Variants in SRD5A2 observed in about 807,000 individuals in gnomAD.
The protein encoded by SRD5A2 is steroid 5 alpha-reductase 2.
A neutral mutation model predicts 27.4 loss-of-function variants in SRD5A2; 30 were observed. The ratio of observed to expected loss-of-function variants is 1.10; its 90% confidence interval spans 0.82 to 1.49. The LOEUF is 1.49. Ranked by LOEUF, SRD5A2 falls within the 40% of genes most tolerant of loss-of-function variation. The pLI is 0.00. For synonymous variants in SRD5A2, 141 were observed against 133.6 expected (o/e 1.06, Z -0.38); for missense variants, 348 against 323.4 (o/e 1.08, Z -0.58).
chr2:31,641,698 G>A, the SRD5A2 span, among the ~76,000 whole-genome samples: 2 of 152,068 alleles, frequency 1.3e-5, no homozygotes, highest in Non-Finnish European at 2.9e-5. Context: ...CAGATTAAGA[G>A]AGTAAAGAGA....
intron 1 of SRD5A2, among the ~76,000 whole-genome samples, chr2:31,546,335 T>C (rs1666254924): frequency 6.6e-6 from 1 of 152,092 alleles, no homozygotes; most frequent in Non-Finnish European, 1.5e-5. Flanking sequence ...CAAAGCAATA[T>C]AGTACTGGCA....
At chr2:31,592,279 C>T in the SRD5A2 span, among the ~76,000 whole-genome samples, 1 of 152,084 alleles carries the variant, frequency 6.6e-6, no homozygotes, top group Non-Finnish European at 1.5e-5. Context: ...ACAGAACAAA[C>T]CTGATCCTAG....
chr2:31,606,372 A>T, the SRD5A2 span, among the ~76,000 whole-genome samples: 2 of 152,014 alleles, frequency 1.3e-5, no homozygotes, highest in Non-Finnish European at 2.9e-5. Flanking sequence ...ATTATTATGC[A>T]TTGCATGCCT....
In SRD5A2 at chr2:31,565,680, A is replaced by G. The variant is rs372810498; in HGVS notation, c.281+14940T>C. On this transcript the variant is annotated intron_variant, in intron 1 of 4. Coordinates refer to ENST00000622030, the MANE Select transcript of SRD5A2 (RefSeq NM_000348.4). ...GGACATACCAGTTCTGTCTCTATGCATGTAATAATAGACCTTCAAAATACA... is the reference window on the plus strand; with the variant it reads ...GGACATACCAGTTCTGTCTCTATGCGTGTAATAATAGACCTTCAAAATACA... Among the ~76,000 whole-genome samples the G allele has an allele frequency of 3.6e-4, 54 of 152,098 alleles. No homozygotes were observed. In the South Asian group the frequency reaches 8.5e-3, roughly 24 times the overall value.
chr2:31,571,574 T>C, intron 1 of SRD5A2, among the ~76,000 whole-genome samples: 1 of 151,816 alleles, frequency 6.6e-6, no homozygotes, highest in African/African-American at 2.4e-5. Context: ...ATCAAGAGAG[T>C]AAACATGCAA....
At chr2:31,632,535 C>T in the SRD5A2 span, among the ~76,000 whole-genome samples, 1 of 152,188 alleles carries the variant, frequency 6.6e-6, no homozygotes, top group Non-Finnish European at 1.5e-5. Flanking sequence ...CCAGCCCATG[C>T]CATCACCCTC....
chr2:31,595,317 C>T, the SRD5A2 span, among the ~76,000 whole-genome samples: 1 of 151,916 alleles, frequency 6.6e-6, no homozygotes, highest in South Asian at 2.1e-4. Context: ...GTGAAATTAA[C>T]CAAGAAAAGA....
At chr2:31,537,447 C>G (rs1666049289) in intron 1 of SRD5A2, among the ~76,000 whole-genome samples, 1 of 152,138 alleles carries the variant, frequency 6.6e-6, no homozygotes, top group African/African-American at 2.4e-5. Context: ...ACCCAAGAAT[C>G]AATTTACAAC....
intron 1 of SRD5A2, among the ~76,000 whole-genome samples, chr2:31,557,734 C>G (rs918063218): frequency 6.6e-6 from 1 of 152,140 alleles, no homozygotes; most frequent in African/African-American, 2.4e-5. Context: ...AGTACAGCAC[C>G]CTGGGGGCTC....
the SRD5A2 span, among the ~76,000 whole-genome samples, chr2:31,607,450 T>C: frequency 5.3e-5 from 8 of 152,064 alleles, no homozygotes; most frequent in Admixed American, 4.6e-4. Context: ...AACAGCTGAT[T>C]TCTCATCATA....
intron 1 of SRD5A2, among the ~76,000 whole-genome samples, chr2:31,538,105 G>A (rs1451920026): frequency 6.6e-6 from 1 of 152,170 alleles, no homozygotes; most frequent in Non-Finnish European, 1.5e-5. Flanking sequence ...CAGGATATCT[G>A]CAGTCCTTAA....
the SRD5A2 span, among the ~76,000 whole-genome samples, chr2:31,646,713 A>G: frequency 6.6e-6 from 1 of 152,156 alleles, no homozygotes; most frequent in Non-Finnish European, 1.5e-5. Flanking sequence ...GAAAAAGTAC[A>G]CAGTCTGAAA....
At chr2:31,546,914 T>C (rs1229528065) in intron 1 of SRD5A2, among the ~76,000 whole-genome samples, 1 of 151,952 alleles carries the variant, frequency 6.6e-6, no homozygotes, top group Non-Finnish European at 1.5e-5. Context: ...CTGACCAACA[T>C]GGAGAAACCC....
At chr2:31,571,597 G>GA (rs1438477957) in intron 1 of SRD5A2, among the ~76,000 whole-genome samples, 2 of 152,136 alleles carry the variant, frequency 1.3e-5, no homozygotes, top group Non-Finnish European at 2.9e-5. Flanking sequence ...TACAGAATGG[G>GA]AAAAAATATC....
the SRD5A2 span, among the ~76,000 whole-genome samples, chr2:31,658,865 A>G: frequency 6.6e-6 from 1 of 152,148 alleles, no homozygotes; most frequent in Non-Finnish European, 1.5e-5. Context: ...AACTCATCCT[A>G]TGAGGCCAGC....
chr2:31,585,364 C>T (rs1035320096), upstream of SRD5A2, among the ~76,000 whole-genome samples: 1 of 152,100 alleles, frequency 6.6e-6, no homozygotes, highest in Admixed American at 6.5e-5. Context: ...CAATCCCAGG[C>T]TGCACAACTC....
At chr2:31,528,180 C>T (rs1665823629) in intron 4 of SRD5A2, among the ~76,000 whole-genome samples, 1 of 152,186 alleles carries the variant, frequency 6.6e-6, no homozygotes, top group South Asian at 2.1e-4. Flanking sequence ...TGGCATTTCC[C>T]AGCAGATAGG....
At chr2:31,544,776 A>AT (rs1036000668) in intron 1 of SRD5A2, among the ~76,000 whole-genome samples, 15 of 151,882 alleles carry the variant, frequency 9.9e-5, no homozygotes, top group South Asian at 2.1e-4. Context: ...TTCTTTAAAA[A>AT]TTTTTTTTAA....
the SRD5A2 span, among the ~76,000 whole-genome samples, chr2:31,608,382 A>C: frequency 6.6e-6 from 1 of 151,960 alleles, no homozygotes; most frequent in Non-Finnish European, 1.5e-5. Flanking sequence ...CAACAGGAAA[A>C]TTAAGATAAA....
Sources: gnomAD v4.1 joint callset for allele counts (sites outside exome capture counted in the v4.1 genomes callset) on GRCh38, gnomAD v4.1.1 for gene constraint, MANE v1.5 for transcripts, NCBI Gene and HGNC (gene_info 2026-07-23, HGNC 2026-07-21) for gene names.